Variants in SLC9C1 observed in about 807,000 individuals in gnomAD.
SLC9C1 encodes solute carrier family 9 member C1.
In SLC9C1, 97 loss-of-function variants were observed where a neutral mutation model predicts 140.9. The observed-to-expected ratio is 0.69, with a 90% CI of 0.58 to 0.82. The LOEUF (loss-of-function observed/expected upper bound fraction) is 0.82, where lower values mean the gene tolerates loss of function less well. SLC9C1 is among the 40% of genes least tolerant of loss of function. SLC9C1 has a pLI of 0.00. For missense variants in SLC9C1, 1,340 were observed against 1,389.3 expected (o/e 0.96, Z 0.56); for synonymous variants, 440 against 442.6 (o/e 0.99, Z 0.07).
chr3:112,233,139 G>T (rs1453649777), intron 12 of SLC9C1, among the ~76,000 whole-genome samples: 1 of 150,398 alleles, frequency 6.6e-6, no homozygotes, highest in Non-Finnish European at 1.5e-5. Context: ...CACAATCACG[G>T]TTCACCACAG....
chr3:112,177,532 G>T (rs60033604), intron 23 of SLC9C1, among the ~76,000 whole-genome samples: 2 of 149,114 alleles, frequency 1.3e-5, no homozygotes, highest in African/African-American at 5.0e-5. Context: ...TAGCAGGATC[G>T]CCATCTTCTG....
intron 20 of SLC9C1, among the ~76,000 whole-genome samples, chr3:112,187,525 A>T (rs924340586): frequency 3.3e-5 from 5 of 152,228 alleles, no homozygotes; most frequent in Admixed American, 2.0e-4. Context: ...TGTAACCAAT[A>T]GAAGATCAAG....
chr3:112,149,185 C>G (rs1463330780), intron 28 of SLC9C1, among the ~76,000 whole-genome samples: 1 of 152,114 alleles, frequency 6.6e-6, no homozygotes, highest in South Asian at 2.1e-4. Flanking sequence ...TTGGGTCAGG[C>G]TGCTGATCCA....
chr3:112,241,657 C>A (rs1019769310), intron 11 of SLC9C1, among the ~76,000 whole-genome samples: 5 of 152,080 alleles, frequency 3.3e-5, no homozygotes, highest in Non-Finnish European at 7.4e-5. Context: ...CCTAAGCAAA[C>A]AGAACGAAGC....
At chr3:112,254,151 C>T (rs2079540565) in intron 10 of SLC9C1, among the ~76,000 whole-genome samples, 4 of 152,154 alleles carry the variant, frequency 2.6e-5, no homozygotes, top group African/African-American at 9.7e-5. Context: ...AAGCAAACAA[C>T]TTAAAACACA....
Position 112,240,352 on chromosome 3 carries a change from A to G in SLC9C1, c.1280-346T>C, listed in dbSNP as rs969032996. 1.2e-4 allele frequency among the ~76,000 whole-genome samples: 19 copies of G among 152,206 alleles called. No homozygotes were observed. The East Asian group carries it at 3.5e-3, about 28-fold the overall frequency. On this transcript the variant is annotated intron_variant, in intron 11 of 28. Transcript: ENST00000305815. ...GATATATGAGGAAACAAAGAAACAG[A>G]GGTATAATGGTTAGTTTCATTTGTC... is the stretch of plus-strand genomic sequence containing the variant.
chr3:112,242,542 G>A (rs2079164364), intron 11 of SLC9C1, among the ~76,000 whole-genome samples: 7 of 152,128 alleles, frequency 4.6e-5, no homozygotes, highest in Admixed American at 4.6e-4. Flanking sequence ...AAGAGTAGTG[G>A]GGAGGTAAGG....
chr3:112,221,984 A>G (rs971737961), intron 13 of SLC9C1, among the ~76,000 whole-genome samples: 1 of 152,182 alleles, frequency 6.6e-6, no homozygotes, highest in Non-Finnish European at 1.5e-5. Context: ...TCAGTTTTGA[A>G]TATTAAACAC....
chr3:112,167,210 G>A lies in SLC9C1; in HGVS notation c.3364+11C>T, dbSNP rs2107912118. ...TAAGTTTTCACAATTGCTGAAAGAAGTCTAACTCACCTATTAATCCTGGTG... is the reference window on the plus strand; with the variant it reads ...TAAGTTTTCACAATTGCTGAAAGAAATCTAACTCACCTATTAATCCTGGTG... On this transcript the variant is annotated intron_variant, in intron 26 of 28. Coordinates refer to ENST00000305815, the MANE Select transcript of SLC9C1 (RefSeq NM_183061.3). 1.2e-6 allele frequency: 2 copies of A among 1,604,406 alleles called. No individual in the cohort carries two copies. The highest frequency in any genetic ancestry group is 1.7e-5 in the Admixed American group (1 of 57,990).
At chr3:112,176,542 T>C (rs2077340038) in intron 23 of SLC9C1, among the ~76,000 whole-genome samples, 1 of 152,210 alleles carries the variant, frequency 6.6e-6, no homozygotes. Context: ...ACCGAATGCT[T>C]TACTCCTCAC....
In SLC9C1 at chr3:112,206,237, T is replaced by C. The variant is rs944509789; in HGVS notation, c.1987-1834A>G. Among the ~76,000 whole-genome samples, 22 of 151,790 alleles carry C rather than the reference T, an allele frequency of 1.4e-4. No homozygotes were observed. In the Middle Eastern group the frequency reaches 0.01, roughly 71 times the overall value. On this transcript the variant is annotated intron_variant, in intron 16 of 28. Coordinates refer to ENST00000305815, the MANE Select transcript of SLC9C1 (RefSeq NM_183061.3). The stretch of plus-strand genomic sequence containing the variant: ...AGAAGACATTTATGCAGCCAATAGA[T>C]GCATGAAAAAATGCTCATCATCACT...
At chr3:112,251,782 A>G (rs548807426) in intron 10 of SLC9C1, among the ~76,000 whole-genome samples, 2 of 151,284 alleles carry the variant, frequency 1.3e-5, no homozygotes, top group East Asian at 4.0e-4. Flanking sequence ...TTGCTTTTTT[A>G]CACAGGTCCA....
intron 10 of SLC9C1, among the ~76,000 whole-genome samples, chr3:112,250,187 T>A (rs1347937348): frequency 6.6e-6 from 1 of 151,910 alleles, no homozygotes; most frequent in Non-Finnish European, 1.5e-5. Flanking sequence ...CTTGCGACAG[T>A]TTGCTGAGAA....
At chr3:112,147,923 T>G (rs1207374826) in intron 28 of SLC9C1, among the ~76,000 whole-genome samples, 1 of 152,226 alleles carries the variant, frequency 6.6e-6, no homozygotes, top group East Asian at 1.9e-4. Flanking sequence ...TTTGATTTCT[T>G]TATATAATCC....
In SLC9C1 at chr3:112,263,033, C is replaced by A; in HGVS notation, c.1088G>T (p.Trp363Leu). Residue 363 changes from tryptophan (W) to leucine (L), a missense_variant, in exon 10 of 29, where the codon TGG (tryptophan) becomes TTG (leucine). Physicochemically the swap from Trp to Leu is moderately conservative, Grantham distance 61. Transcript: ENST00000305815. ...SRVGHEFSWR[W>L]IFIMVCSEMK... is the part of the protein sequence containing the mutation. ...TTCACTACAGACCATTATGAATATCCAGCGCCAACTGAACTCATGACCAAC... is the reference window on the plus strand; with the variant it reads ...TTCACTACAGACCATTATGAATATCAAGCGCCAACTGAACTCATGACCAAC... 6.2e-7 allele frequency: 1 copy of A among 1,602,908 alleles called. No individual in the cohort carries two copies. The highest frequency in any genetic ancestry group is 1.3e-5 in the African/African-American group (1 of 74,336).
intron 26 of SLC9C1, among the ~76,000 whole-genome samples, chr3:112,156,797 G>A (rs542650096): frequency 6.6e-5 from 10 of 151,698 alleles, no homozygotes; most frequent in South Asian, 2.1e-4. Context: ...GCATTTTTTC[G>A]TCTATCTGTT....
rs4572741 is a variant in SLC9C1, at chr3:112,277,481, C to T, written c.484+214G>A. Among the ~76,000 whole-genome samples the T allele has an allele frequency of 6.1e-3, 934 of 152,124 alleles. 12 individuals are homozygous for T. The highest frequency in any genetic ancestry group is 0.021 in the African/African-American group (887 of 41,530). ...AATCCCCTCCCCTATTCCACAATTG[C>T]GTATAATACTTTTTTTGACACTAAG... On this transcript the variant is annotated intron_variant, in intron 5 of 28. Transcript: ENST00000305815.
intron 5 of SLC9C1, among the ~76,000 whole-genome samples, chr3:112,275,833 T>C (rs2080197911): frequency 6.6e-6 from 1 of 152,170 alleles, no homozygotes; most frequent in African/African-American, 2.4e-5. Context: ...TGCCTGTATC[T>C]ATGCCCTTCG....
At chr3:112,193,793 C>A (rs903243580) in intron 20 of SLC9C1, among the ~76,000 whole-genome samples, 3 of 151,988 alleles carry the variant, frequency 2.0e-5, no homozygotes, top group Admixed American at 1.3e-4. Context: ...AGTGGTTAGG[C>A]CATTTCAACA....
Sources: gnomAD v4.1 joint callset for allele counts (sites outside exome capture counted in the v4.1 genomes callset) on GRCh38, gnomAD v4.1.1 for gene constraint, MANE v1.5 for transcripts, NCBI Gene and HGNC (gene_info 2026-07-23, HGNC 2026-07-21) for gene names.